Variants in ARID1B observed in about 807,000 individuals in gnomAD.
The protein encoded by ARID1B is AT-rich interactive domain-containing protein 1B.
A neutral mutation model predicts 212.3 loss-of-function variants in ARID1B; 30 were observed. The ratio of observed to expected loss-of-function variants is 0.14; its 90% CI spans 0.11 to 0.19. The LOEUF (loss-of-function observed/expected upper bound fraction) is 0.19, where lower values mean the gene tolerates loss of function less well. Among genes scored for constraint, ARID1B ranks in the 10% least tolerant of loss-of-function variants. ARID1B has a pLI of 1.00. For synonymous variants in ARID1B, 1,402 were observed against 1,301.7 expected (o/e 1.08, Z -1.66); for missense variants, 2,891 against 3,204.0 (o/e 0.90, Z 2.36).
At chr6:156,935,955 G>A (rs1426263839) in intron 4 of ARID1B, 1 of 160,328 alleles carries the variant, frequency 6.2e-6, no homozygotes, top group Admixed American at 6.4e-5. Flanking sequence ...ACTTTGCAAA[G>A]GATACAAATG....
chr6:157,018,430 G>A (rs143551361), intron 4 of ARID1B, among the ~76,000 whole-genome samples: 2,075 of 152,150 alleles, frequency 0.014, 35 homozygotes, highest in African/African-American at 0.045. Context: ...TGGCCAGGCA[G>A]GTCTCGAACT....
intron 4 of ARID1B, among the ~76,000 whole-genome samples, chr6:157,020,454 T>C (rs965037727): frequency 6.6e-6 from 1 of 152,202 alleles, no homozygotes; most frequent in African/African-American, 2.4e-5. Context: ...ATATATTTAA[T>C]ATGAAATTAA....
chr6:157,001,208 T>A lies in ARID1B; in HGVS notation c.2247+65632T>A, dbSNP rs150018283. Among the ~76,000 whole-genome samples the A allele has an allele frequency of 9.3e-4, 141 of 152,300 alleles. 1 individual carries two copies. The highest frequency in any genetic ancestry group is 1.9e-3 in the South Asian group (9 of 4,830). On this transcript the variant is annotated intron_variant, in intron 4 of 19. Transcript: ENST00000636930. The stretch of plus-strand genomic sequence containing the variant: ...GCTGAGCACATGCTGTATTCTAGGT[T>A]CATTTTCGAAGATATCTTTGCCACA...
At chr6:156,976,739 C>G in intron 4 of ARID1B, 1 of 482,466 alleles carries the variant, frequency 2.1e-6, no homozygotes, top group Admixed American at 2.1e-5. Context: ...TAACACTCAC[C>G]GTGAAGGTCC....
At chr6:157,005,101 A>G (rs1779164053) in intron 4 of ARID1B, among the ~76,000 whole-genome samples, 1 of 147,940 alleles carries the variant, frequency 6.8e-6, no homozygotes, top group Non-Finnish European at 1.5e-5. Context: ...TTTAGTAGAG[A>G]CGGGGTTTCA....
intron 11 of ARID1B, among the ~76,000 whole-genome samples, chr6:157,178,787 A>G (rs1583459724): frequency 1.3e-5 from 2 of 152,338 alleles, no homozygotes; most frequent in East Asian, 3.9e-4. Flanking sequence ...TCATTATCTC[A>G]GGCCTATTCC....
In ARID1B at chr6:157,200,074, A is replaced by G. The variant is rs1793993076; in HGVS notation, c.4480-631A>G. On this transcript the variant is annotated intron_variant, in intron 17 of 19. Coordinates refer to ENST00000636930, the MANE Select transcript of ARID1B (RefSeq NM_001374828.1). The surrounding 1 kb of genome is among the most constrained non-coding windows in gnomAD (Gnocchi z 4.3). ...AGAGTCCCACCTACCCCGATTAAGC[A>G]CTGGTCCCGGAGCATCCTGGGAAGC... Among the ~76,000 whole-genome samples the G allele has an allele frequency of 6.6e-6, 1 of 152,148 alleles. No individual in the cohort carries two copies. The highest frequency in any genetic ancestry group is 1.5e-5 in the Non-Finnish European group (1 of 68,028).
chr6:156,791,356 A>G (rs2115189916), intron 1 of ARID1B, among the ~76,000 whole-genome samples: 1 of 152,366 alleles, frequency 6.6e-6, no homozygotes, highest in African/African-American at 2.4e-5. Context: ...GGTAATGTGT[A>G]TGGCATCACA....
At chr6:157,205,609 A>G (rs562616435) in intron 19 of ARID1B, 52 of 152,498 alleles carry the variant, frequency 3.4e-4, no homozygotes, top group African/African-American at 1.2e-3. Flanking sequence ...GAGCTACCAC[A>G]TTGCTGAAAT....
At chr6:156,970,065 T>C (rs1254829224) in intron 4 of ARID1B, among the ~76,000 whole-genome samples, 1 of 150,152 alleles carries the variant, frequency 6.7e-6, no homozygotes, top group Non-Finnish European at 1.5e-5. Flanking sequence ...TTTTTGTGTG[T>C]TTTGTTTGTT....
At chr6:157,133,329 G>A in intron 7 of ARID1B, 122 bp downstream of exon 7, 1 of 1,128,228 alleles carries the variant, frequency 8.9e-7, no homozygotes, top group Non-Finnish European at 1.2e-6. Context: ...TTACCTGACA[G>A]GTTTGTGAGG....
chr6:156,950,503 C>T (rs1050321848), intron 4 of ARID1B, among the ~76,000 whole-genome samples: 7 of 152,190 alleles, frequency 4.6e-5, no homozygotes, highest in Non-Finnish European at 8.8e-5. Context: ...TAAATAATTA[C>T]GTTAATATAG....
At chr6:157,175,115 C>A in intron 11 of ARID1B, 110 bp downstream of exon 11, 2 of 951,186 alleles carry the variant, frequency 2.1e-6, no homozygotes, top group Non-Finnish European at 2.8e-6. Context: ...TTTTGTAAGA[C>A]TTTTTCTTCA....
intron 12 of ARID1B, among the ~76,000 whole-genome samples, chr6:157,182,089 A>T (rs1372810124): frequency 6.6e-6 from 1 of 152,010 alleles, no homozygotes; most frequent in African/African-American, 2.4e-5. Context: ...CTCCATTAAA[A>T]ACTACAAAAC....
chr6:156,931,366 C>T (rs1350317425), intron 3 of ARID1B, among the ~76,000 whole-genome samples: 1 of 152,164 alleles, frequency 6.6e-6, no homozygotes, highest in Non-Finnish European at 1.5e-5. Context: ...CACTCCTGCT[C>T]CTGGCCTTTC....
intron 1 of ARID1B, among the ~76,000 whole-genome samples, chr6:156,791,064 A>G (rs1779978240): frequency 6.6e-6 from 1 of 152,260 alleles, no homozygotes; most frequent in South Asian, 2.1e-4. Context: ...TTAAAAGAAT[A>G]TGCTTTTTTA....
At chr6:157,162,902 C>T (rs1791038286) in intron 8 of ARID1B, among the ~76,000 whole-genome samples, 1 of 152,156 alleles carries the variant, frequency 6.6e-6, no homozygotes, top group Non-Finnish European at 1.5e-5. Context: ...CAGCCATGGA[C>T]TCGGCATCTG....
intron 4 of ARID1B, among the ~76,000 whole-genome samples, chr6:156,971,363 A>T (rs1189315021): frequency 6.6e-6 from 1 of 152,194 alleles, no homozygotes; most frequent in Non-Finnish European, 1.5e-5. Context: ...CAAGTTATTT[A>T]TCTTTAAAAT....
intron 8 of ARID1B, among the ~76,000 whole-genome samples, chr6:157,156,705 G>A (rs775212435): frequency 3.9e-5 from 6 of 152,148 alleles, no homozygotes; most frequent in African/African-American, 9.7e-5. Context: ...GGGCCAAGGC[G>A]CGGGAGCCTC....
Sources: allele counts gnomAD v4.1 joint callset (sites outside exome capture counted in the v4.1 genomes callset), GRCh38; gene constraint gnomAD v4.1.1; non-coding constraint Gnocchi (gnomAD v3.1); transcripts MANE v1.5; gene names NCBI Gene and HGNC (gene_info 2026-07-23, HGNC 2026-07-21).